Variants in ZNF277 observed in about 807,000 individuals in gnomAD.
The protein encoded by ZNF277 is nuclear receptor-interacting factor 4.
Under a neutral mutation model 60.7 loss-of-function variants are expected in ZNF277, and 55 were observed. That is an observed-to-expected ratio of 0.91 (90% CI 0.73 to 1.13). The LOEUF is 1.13. Ranked by LOEUF, ZNF277 falls within the 50% of genes most tolerant of loss-of-function variation. The pLI, the probability that ZNF277 is intolerant of heterozygous loss-of-function variation, is 0.00. For missense variants in ZNF277, 510 were observed against 523.0 expected (o/e 0.98, Z 0.24); for synonymous variants, 178 against 179.3 (o/e 0.99, Z 0.06).
At chr7:112,208,674 A>ATTTTTTTTTTTTTTTTTTTTT (rs869082099) in intron 1 of ZNF277, among the ~76,000 whole-genome samples, 2 of 72,808 alleles carry the variant, frequency 2.7e-5, no homozygotes, top group Non-Finnish European at 4.5e-5. Flanking sequence ...GTATGATTTG[A>ATTTTTTTTTTTTTTTTTTTTT]TTTTTTTTTT....
rs368955648 is a variant in ZNF277 at position 112,206,789 on chromosome 7, G to A, written c.73G>A (p.Gly25Arg). 3 of 1,613,242 alleles carry A rather than the reference G, an allele frequency of 1.9e-6. No homozygotes were observed. The highest frequency in any genetic ancestry group is 2.7e-5 in the African/African-American group (2 of 74,874). ...CCGTGATGGGAGCTGCAGCACAGTC[G>A]GGGGTGTAGGTTATGGGGGTGAGTA... ...EDRDGSCSTV[G>R]GVGYGDSKDC... Residue 25 changes from glycine (G) to arginine (R), a missense_variant, in exon 1 of 12, where the codon GGG becomes AGG. Physicochemically the swap from Gly to Arg is moderately radical, Grantham distance 125. Transcript: ENST00000361822.
At chr7:112,219,709 C>T (rs574397182) in intron 1 of ZNF277, among the ~76,000 whole-genome samples, 47 of 152,306 alleles carry the variant, frequency 3.1e-4, no homozygotes, top group Admixed American at 1.2e-3. Flanking sequence ...AATCACGGCT[C>T]ACTGCAGCCT....
At chr7:112,211,332 G>T (rs551901190) in intron 1 of ZNF277, among the ~76,000 whole-genome samples, 77 of 152,208 alleles carry the variant, frequency 5.1e-4, no homozygotes, top group African/African-American at 1.8e-3. Flanking sequence ...ATTTTTCTGC[G>T]CCTGTAGTAT....
chr7:112,229,964 T>C (rs7811283), intron 1 of ZNF277, among the ~76,000 whole-genome samples: 120,420 of 152,092 alleles, frequency 0.79, 47,838 homozygotes, highest in Middle Eastern at 0.84. Flanking sequence ...TGCTTTTTAC[T>C]AAAACCTAAA....
chr7:112,304,339 C>T (rs1192423402), intron 4 of ZNF277, among the ~76,000 whole-genome samples: 1 of 152,108 alleles, frequency 6.6e-6, no homozygotes, highest in Non-Finnish European at 1.5e-5. Flanking sequence ...TGATCAGACT[C>T]TGGCAAACAG....
At chr7:112,282,563 G>C (rs1791971945) in intron 1 of ZNF277, among the ~76,000 whole-genome samples, 1 of 152,206 alleles carries the variant, frequency 6.6e-6, no homozygotes, top group South Asian at 2.1e-4. Flanking sequence ...CAGTAATCAA[G>C]AACTGTACAT....
intron 1 of ZNF277, among the ~76,000 whole-genome samples, chr7:112,251,978 A>G (rs907179302): frequency 5.3e-5 from 8 of 152,198 alleles, no homozygotes; most frequent in African/African-American, 1.9e-4. Flanking sequence ...AGCAGCAAGT[A>G]AGGAGGATAG....
chr7:112,267,590 A>G (rs1791578223), intron 1 of ZNF277, among the ~76,000 whole-genome samples: 1 of 152,196 alleles, frequency 6.6e-6, no homozygotes, highest in Non-Finnish European at 1.5e-5. Context: ...CTAGCATGTG[A>G]TTAGCTTTTG....
chr7:112,324,268 T>C (rs1793050474), intron 5 of ZNF277, among the ~76,000 whole-genome samples: 2 of 152,222 alleles, frequency 1.3e-5, no homozygotes, highest in African/African-American at 4.8e-5. Context: ...AAGGTTTGAA[T>C]ATCTGATGTA....
chr7:112,231,407 G>A (rs1193593850), intron 1 of ZNF277, among the ~76,000 whole-genome samples: 1 of 152,078 alleles, frequency 6.6e-6, no homozygotes, highest in African/African-American at 2.4e-5. Flanking sequence ...CAAATCCTTT[G>A]TTCTGTGCAA....
At chr7:112,248,656 T>C (rs918625142) in intron 1 of ZNF277, among the ~76,000 whole-genome samples, 1 of 152,146 alleles carries the variant, frequency 6.6e-6, no homozygotes, top group Admixed American at 6.5e-5. Context: ...TGTATATGTA[T>C]GTATAAACAT....
At chr7:112,314,329 G>T (rs1792795604) in intron 4 of ZNF277, among the ~76,000 whole-genome samples, 1 of 152,028 alleles carries the variant, frequency 6.6e-6, no homozygotes, top group African/African-American at 2.4e-5. Context: ...AGCAAAGATG[G>T]GCAAAAGAGG....
intron 4 of ZNF277, among the ~76,000 whole-genome samples, chr7:112,317,447 C>T (rs971349554): frequency 6.6e-6 from 1 of 151,654 alleles, no homozygotes. Flanking sequence ...AATGGTTGCA[C>T]GATAGAAATA....
chr7:112,298,714 C>T (rs1792408131), intron 4 of ZNF277, among the ~76,000 whole-genome samples: 1 of 152,166 alleles, frequency 6.6e-6, no homozygotes, highest in South Asian at 2.1e-4. Flanking sequence ...ATCCATAAGC[C>T]ATGCCTTGTA....
At chr7:112,297,734 G>A (rs780506345) in intron 4 of ZNF277, among the ~76,000 whole-genome samples, 3 of 152,120 alleles carry the variant, frequency 2.0e-5, no homozygotes, top group Admixed American at 6.6e-5. Context: ...TGTTATTTGC[G>A]TGCACTTATT....
At chr7:112,335,270 T>G (rs1414041853) in intron 7 of ZNF277, among the ~76,000 whole-genome samples, 2 of 152,116 alleles carry the variant, frequency 1.3e-5, no homozygotes, top group Admixed American at 1.3e-4. Flanking sequence ...TGAAAACATA[T>G]CCATTAATGT....
intron 1 of ZNF277, among the ~76,000 whole-genome samples, chr7:112,221,003 C>T (rs996639342): frequency 2.0e-5 from 3 of 152,106 alleles, no homozygotes; most frequent in African/African-American, 4.8e-5. Flanking sequence ...TGTTACCGCT[C>T]GAGCTGAGCT....
At chr7:112,314,652 C>T (rs1379973071) in intron 4 of ZNF277, among the ~76,000 whole-genome samples, 3 of 151,942 alleles carry the variant, frequency 2.0e-5, no homozygotes, top group East Asian at 1.9e-4. Flanking sequence ...GAAAATTAAC[C>T]GGGCATAGTT....
intron 2 of ZNF277, among the ~76,000 whole-genome samples, chr7:112,294,935 A>G (rs528558755): frequency 2.0e-5 from 3 of 152,300 alleles, no homozygotes; most frequent in African/African-American, 7.2e-5. Flanking sequence ...GTGCTAAGTC[A>G]AGCCATTTAA....
Sources: allele counts gnomAD v4.1 joint callset (sites outside exome capture counted in the v4.1 genomes callset), GRCh38; gene constraint gnomAD v4.1.1; transcripts MANE v1.5; gene names NCBI Gene and HGNC (gene_info 2026-07-23, HGNC 2026-07-21).